KCTD1: variants seen among roughly 807,000 people sequenced by gnomAD.
The protein encoded by KCTD1 is BTB/POZ domain-containing protein KCTD1.
A neutral mutation model predicts 66.0 loss-of-function variants in KCTD1; 24 were observed. That is an observed-to-expected ratio of 0.36 (90% CI 0.26 to 0.51). The LOEUF (loss-of-function observed/expected upper bound fraction) is 0.51, where lower values mean the gene tolerates loss of function less well. Among genes scored for constraint, KCTD1 ranks in the 20% least tolerant of loss-of-function variants. The probability of loss-of-function intolerance (pLI) is 0.95; values close to 1 mark genes in which losing one functional copy is unlikely to be tolerated. For synonymous variants in KCTD1, 511 were observed against 517.2 expected, an observed-to-expected ratio of 0.99 and a Z score of 0.16; for missense variants, 943 against 1,205.2, an observed-to-expected ratio of 0.78 and a Z score of 3.22.
In KCTD1 at chr18:26,547,474, G is replaced by A; in HGVS notation, c.1063C>T (p.His355Tyr). 6.4e-7 allele frequency: 1 copy of A among 1,551,508 alleles called. No homozygotes were observed. The highest frequency in any genetic ancestry group is 8.7e-7 in the Non-Finnish European group (1 of 1,146,976). ...FVYFKSLGPY[H>Y]KSRSSSWSKK... ...CTCCACGACGACGAGCGCGACTTGT[G>A]GTAGGGCCCGAGGGACTTGAAGTAG... Residue 355 changes from histidine to tyrosine, a missense_variant, in exon 1 of 5, where the codon CAC (histidine) becomes TAC (tyrosine). Physicochemically the swap from His to Tyr is moderately conservative, Grantham distance 83. Around this residue, in one of 10 missense-constraint regions of KCTD1, gnomAD observed 66 missense variants for 61.6 expected, o/e 1.07. Transcript: ENST00000580059.
Position 26,476,871 on chromosome 18 carries a change from T to C in KCTD1, c.1989-212A>G. The stretch of plus-strand genomic sequence containing the variant: ...TCCTAGGCTTTGTCAAATGAATTCT[T>C]TTATTCACTGTCTTTCACCTGCAAA... On this transcript the variant is annotated intron_variant, in intron 2 of 4. Transcript: ENST00000580059. This position sits in a 1 kb window ranked among gnomAD's most constrained non-coding sequence, Gnocchi z 4.9. 2.0e-6 allele frequency: 1 copy of C among 502,856 alleles called. No homozygotes were observed. Among genetic ancestry groups the C allele is most frequent in the Non-Finnish European group, 3.5e-6 (1 of 289,396 alleles). The allele number at this position is 502,856 out of a possible 1,614,324, so 31.1% of individuals were successfully genotyped here.
chr18:26,456,441 T>C (rs1980092922), intron 4 of KCTD1: 1 of 152,258 alleles, frequency 6.6e-6, no homozygotes, highest in African/African-American at 2.4e-5. Context: ...TTAATATATA[T>C]GTTTTGGCCT....
chr18:26,649,424 C>A (rs1282056570), intron 1 of KCTD1, among the ~76,000 whole-genome samples: 1 of 152,156 alleles, frequency 6.6e-6, no homozygotes, highest in Non-Finnish European at 1.5e-5. Context: ...CAGGAAGAAA[C>A]AGACGGCTCG....
At chr18:26,643,784 A>C (rs1432745465), upstream of KCTD1, among the ~76,000 whole-genome samples, 1 of 152,152 alleles carries the variant, frequency 6.6e-6, no homozygotes, top group Non-Finnish European at 1.5e-5. Context: ...AACACGATGA[A>C]ACCCTGTCTC....
intron 1 of KCTD1, among the ~76,000 whole-genome samples, chr18:26,656,943 G>C (rs1988163937): frequency 6.7e-6 from 1 of 150,372 alleles, no homozygotes; most frequent in African/African-American, 2.4e-5. Flanking sequence ...GAGCGGCCGC[G>C]GGGAGGCTGG....
chr18:26,586,835 G>A (rs1283109907), intron 1 of KCTD1, among the ~76,000 whole-genome samples: 1 of 152,252 alleles, frequency 6.6e-6, no homozygotes, highest in South Asian at 2.1e-4. Context: ...AAGGCTGAGA[G>A]GGGTGAGGTA....
chr18:26,537,567 CAACTTT>C (rs1433349939), intron 1 of KCTD1, among the ~76,000 whole-genome samples: 3 of 152,316 alleles, frequency 2.0e-5, no homozygotes, highest in East Asian at 1.9e-4. Context: ...TAGTACACCT[CAACTTT>C]AAGTGGCATT....
chr18:26,617,793 A>C (rs888288907), intron 1 of KCTD1, among the ~76,000 whole-genome samples: 3 of 126,224 alleles, frequency 2.4e-5, no homozygotes, highest in Non-Finnish European at 4.8e-5. Flanking sequence ...TTATCCCCAA[A>C]ACCACAGCTG....
At chr18:26,541,254 A>G (rs1349434120) in intron 1 of KCTD1, among the ~76,000 whole-genome samples, 1 of 152,202 alleles carries the variant, frequency 6.6e-6, no homozygotes, top group South Asian at 2.1e-4. Context: ...CAGGATGGAG[A>G]GGGTCTTCAG....
chr18:26,569,769 A>G (rs1413005786), intron 1 of KCTD1, among the ~76,000 whole-genome samples: 2 of 152,188 alleles, frequency 1.3e-5, no homozygotes, highest in Non-Finnish European at 2.9e-5. Flanking sequence ...ATCTGAAATC[A>G]TCTATTGGAA....
chr18:26,539,116 G>A (rs1984853316), intron 1 of KCTD1, among the ~76,000 whole-genome samples: 1 of 152,152 alleles, frequency 6.6e-6, no homozygotes. Context: ...CAGTTGATAT[G>A]AATTTTGCAA....
chr18:26,470,966 A>G (rs1981024882), intron 3 of KCTD1, among the ~76,000 whole-genome samples: 1 of 152,182 alleles, frequency 6.6e-6, no homozygotes, highest in South Asian at 2.1e-4. Context: ...TGAGGTGGGC[A>G]GGGGCCAGAG....
At chr18:26,603,384 A>G (rs957316842) in intron 1 of KCTD1, among the ~76,000 whole-genome samples, 1 of 149,608 alleles carries the variant, frequency 6.7e-6, no homozygotes, top group African/African-American at 2.5e-5. Flanking sequence ...GTGAACCAAG[A>G]TTGCCCCACT....
chr18:26,620,885 T>G (rs1598970544), intron 1 of KCTD1, among the ~76,000 whole-genome samples: 2 of 143,938 alleles, frequency 1.4e-5, no homozygotes, highest in Admixed American at 7.2e-5. Flanking sequence ...CAGGCTGGAG[T>G]GCCGTGGCGC....
chr18:26,503,791 C>A (rs1038801244), intron 1 of KCTD1, among the ~76,000 whole-genome samples: 3 of 125,192 alleles, frequency 2.4e-5, no homozygotes, highest in Non-Finnish European at 4.7e-5. Flanking sequence ...CACTGTAAGT[C>A]ATAAATGCAA....
At chr18:26,489,652 G>A (rs774715409) in intron 2 of KCTD1, among the ~76,000 whole-genome samples, 12 of 152,264 alleles carry the variant, frequency 7.9e-5, no homozygotes, top group African/African-American at 1.2e-4. Context: ...TATTTTCCAC[G>A]TTGGCCTGAT....
intron 1 of KCTD1, among the ~76,000 whole-genome samples, chr18:26,562,942 C>T (rs1244652792): frequency 6.6e-6 from 1 of 152,144 alleles, no homozygotes; most frequent in East Asian, 1.9e-4. Context: ...AGTCACACTG[C>T]AGGGTTAGCG....
chr18:26,554,835 T>G (rs888590846), intron 1 of KCTD1, among the ~76,000 whole-genome samples: 1 of 152,222 alleles, frequency 6.6e-6, no homozygotes, highest in Non-Finnish European at 1.5e-5. Flanking sequence ...TTATCGAGCC[T>G]AAGAGTGTAC....
intron 1 of KCTD1, among the ~76,000 whole-genome samples, chr18:26,615,947 C>T (rs374417137): frequency 9.8e-4 from 149 of 152,096 alleles, no homozygotes; most frequent in African/African-American, 3.3e-3. Context: ...TCCGCCACCA[C>T]GCCCTGCTAA....
Sources: gnomAD v4.1 joint callset for allele counts (sites outside exome capture counted in the v4.1 genomes callset) on GRCh38, gnomAD v4.1.1 for gene constraint, gnomAD v4.1.1 regional missense constraint, Gnocchi (gnomAD v3.1) non-coding constraint, MANE v1.5 for transcripts, NCBI Gene and HGNC (gene_info 2026-07-23, HGNC 2026-07-21) for gene names.